Variants in ABCA13 observed in about 807,000 individuals in gnomAD.
ABCA13 encodes the protein ATP-binding cassette sub-family A member 13.
A neutral mutation model predicts 478.7 loss-of-function variants in ABCA13; 476 were observed. That is an observed-to-expected ratio of 0.99 (90% CI 0.92 to 1.07). ABCA13 has a LOEUF of 1.07. ABCA13 is among the 50% of genes least tolerant of loss of function. The probability of loss-of-function intolerance (pLI) is 0.00; values close to 1 mark genes in which losing one functional copy is unlikely to be tolerated. For missense variants in ABCA13, 6,060 were observed against 5,910.6 expected, an observed-to-expected ratio of 1.03 and a Z score of -0.83; for synonymous variants, 2,252 against 2,158.9, an observed-to-expected ratio of 1.04 and a Z score of -1.20.
In ABCA13 at chr7:48,193,123, G is replaced by GT. The variant is rs1003387642; in HGVS notation, c.163+77dup. 7 of 1,122,438 alleles carry GT rather than the reference G, an allele frequency of 6.2e-6. No homozygotes were observed. In the African/African-American group the frequency reaches 1.1e-4, roughly 18 times the overall value. 69.5% of individuals were successfully genotyped at this position (1,122,438 alleles called of 1,614,324 possible). On this transcript the variant is annotated intron_variant, in intron 2 of 61. Transcript: ENST00000435803. ...AAAAAAACTCATAGCACTCTTTCTT[G>GT]TTTTTTATAAACTCTGAATGCTGAG...
chr7:48,376,401 G>C (rs370106425), intron 34 of ABCA13, 40 bp from the exon 35 acceptor site: 3 of 1,595,590 alleles, frequency 1.9e-6, no homozygotes, highest in Non-Finnish European at 2.6e-6. Context: ...CCATAAAAGA[G>C]CTTGTGCAGT....
intron 20 of ABCA13, among the ~76,000 whole-genome samples, chr7:48,294,435 TTTTTTTG>T (rs1562987047): frequency 1.1e-5 from 1 of 94,268 alleles, no homozygotes; most frequent in African/African-American, 3.6e-5. Flanking sequence ...GTTTTTTTTT[TTTTTTTG>T]TTTTGTTTTT....
chr7:48,411,102 CCTTTT>C lies in ABCA13; in HGVS notation c.12228+431_12228+435del, dbSNP rs146373149. 4.3e-4 allele frequency among the ~76,000 whole-genome samples: 38 copies of C among 88,536 alleles called. 7 individuals are homozygous for C. Among genetic ancestry groups the C allele is most frequent in the South Asian group, 6.0e-4 (2 of 3,330 alleles). The allele number at this position is 88,536 out of a possible 152,430, so 58.1% of individuals were successfully genotyped here. ...TTCTTTCTCTCCTTTCCTTTCCTTT[CCTTTT>C]CTTTTTCTTTCTCTCCTTTCCTTTC... On this transcript the variant is annotated intron_variant, in intron 40 of 61. Coordinates refer to ENST00000435803, the MANE Select transcript of ABCA13 (RefSeq NM_152701.5).
intron 7 of ABCA13, 79 bp from the exon 8 acceptor site, chr7:48,233,939 G>A (rs1430564048): frequency 2.0e-6 from 3 of 1,513,612 alleles, no homozygotes; most frequent in Non-Finnish European, 2.7e-6. Context: ...GTGAAAAAAG[G>A]TATTTTTTTT....
At chr7:48,330,703 A>G (rs1404903876) in intron 27 of ABCA13, among the ~76,000 whole-genome samples, 2 of 150,546 alleles carry the variant, frequency 1.3e-5, no homozygotes, top group Admixed American at 1.3e-4. Context: ...TCATCCATCA[A>G]TCCATTCATC....
chr7:48,477,368 G>A (rs1828221975), intron 45 of ABCA13, among the ~76,000 whole-genome samples: 1 of 152,124 alleles, frequency 6.6e-6, no homozygotes, highest in African/African-American at 2.4e-5. Context: ...AATACCATTT[G>A]AGCCAGCCAT....
At chr7:48,375,092 G>A (rs902050607) in intron 34 of ABCA13, among the ~76,000 whole-genome samples, 2 of 152,250 alleles carry the variant, frequency 1.3e-5, no homozygotes, top group South Asian at 2.1e-4. Flanking sequence ...AGGGCTCCCC[G>A]TGATTCTACA....
At chr7:48,455,615 G>A (rs559889709) in intron 43 of ABCA13, among the ~76,000 whole-genome samples, 1 of 152,340 alleles carries the variant, frequency 6.6e-6, no homozygotes, top group South Asian at 2.1e-4. Flanking sequence ...CCCCACAGGA[G>A]GGCGGGATAG....
chr7:48,172,864 A>G (rs1285800486), intron 1 of ABCA13, among the ~76,000 whole-genome samples: 1 of 147,510 alleles, frequency 6.8e-6, no homozygotes, highest in African/African-American at 2.5e-5. Context: ...AAGGAGTGAG[A>G]CAGTCTTCAT....
chr7:48,368,331 T>G (rs1812019994), intron 32 of ABCA13, among the ~76,000 whole-genome samples: 1 of 152,044 alleles, frequency 6.6e-6, no homozygotes, highest in African/African-American at 2.4e-5. Context: ...TTCCATAGGT[T>G]TTTTGGGGAA....
intron 55 of ABCA13, among the ~76,000 whole-genome samples, chr7:48,561,753 G>T (rs1786476104): frequency 6.6e-6 from 1 of 151,532 alleles, no homozygotes; most frequent in South Asian, 2.1e-4. Flanking sequence ...GTTTGTCTTT[G>T]TTTCTATTGC....
intron 15 of ABCA13, among the ~76,000 whole-genome samples, chr7:48,250,361 C>T (rs545909496): frequency 6.0e-4 from 91 of 152,270 alleles, no homozygotes; most frequent in Non-Finnish European, 1.1e-3. Flanking sequence ...ATCCCTCTCT[C>T]CCCTACCTAG....
intron 41 of ABCA13, among the ~76,000 whole-genome samples, chr7:48,424,012 TC>T (rs1387849582): frequency 6.6e-6 from 1 of 152,184 alleles, no homozygotes; most frequent in African/African-American, 2.4e-5. Flanking sequence ...TGGCCTATAT[TC>T]AGTTACAATG....
intron 27 of ABCA13, among the ~76,000 whole-genome samples, chr7:48,330,647 A>G (rs889378976): frequency 6.6e-6 from 1 of 151,782 alleles, no homozygotes; most frequent in African/African-American, 2.4e-5. Context: ...CCATCCATCC[A>G]TCCATCTATT....
At chr7:48,515,692 A>T (rs77747856) in intron 51 of ABCA13, among the ~76,000 whole-genome samples, 5,140 of 152,188 alleles carry the variant, frequency 0.034, 91 homozygotes, top group East Asian at 0.08. Flanking sequence ...CTTGCTGGGG[A>T]CTAAAGGAAG....
chr7:48,415,582 C>T (rs568560644), intron 41 of ABCA13, among the ~76,000 whole-genome samples: 1 of 152,120 alleles, frequency 6.6e-6, no homozygotes, highest in African/African-American at 2.4e-5. Context: ...TAAACACATG[C>T]GACAGGAAGA....
intron 6 of ABCA13, among the ~76,000 whole-genome samples, chr7:48,228,198 A>T (rs1475577152): frequency 1.3e-5 from 2 of 152,198 alleles, no homozygotes; most frequent in Non-Finnish European, 2.9e-5. Flanking sequence ...GCTACAACAA[A>T]AAGGGCCCTG....
intron 3 of ABCA13, among the ~76,000 whole-genome samples, chr7:48,199,023 A>G (rs1373819749): frequency 6.6e-6 from 1 of 152,188 alleles, no homozygotes; most frequent in African/African-American, 2.4e-5. Flanking sequence ...TGAAGTTAGG[A>G]AGGGAAGGAA....
At chr7:48,606,283 G>A (rs1007672274) in intron 58 of ABCA13, among the ~76,000 whole-genome samples, 1 of 152,136 alleles carries the variant, frequency 6.6e-6, no homozygotes, top group African/African-American at 2.4e-5. Flanking sequence ...TCCTTTGGAG[G>A]AGAAGAGGTG....
Sources: allele counts gnomAD v4.1 joint callset (sites outside exome capture counted in the v4.1 genomes callset), GRCh38; gene constraint gnomAD v4.1.1; transcripts MANE v1.5; gene names NCBI Gene and HGNC (gene_info 2026-07-23, HGNC 2026-07-21).